The following MYO10 variants were observed in gnomAD, a reference collection of about 807,000 sequenced individuals.
MYO10 encodes the protein myosin X.
In MYO10, 133 loss-of-function variants were observed where a neutral mutation model predicts 257.3. The observed-to-expected ratio is 0.52, with a 90% confidence interval of 0.45 to 0.60. The LOEUF is 0.60. Among genes scored for constraint, MYO10 ranks in the 20% least tolerant of loss-of-function variants. MYO10 has a pLI of 0.00. For synonymous variants in MYO10, 1,104 were observed against 1,028.6 expected (o/e 1.07, Z -1.40); for missense variants, 2,399 against 2,635.7 (o/e 0.91, Z 1.97).
At position 16,704,665 on chromosome 5, in the gene MYO10, C is replaced by T. The variant is rs1203215587; in HGVS notation, c.2190G>A (p.Leu730=). 5 of 1,613,750 alleles carry T rather than the reference C, an allele frequency of 3.1e-6. No homozygotes were observed. The highest frequency in any genetic ancestry group is 1.1e-5 in the South Asian group (1 of 91,064). The change falls in exon 22 of 41, where the codon TTG becomes TTA. Residue 730 remains leucine (L), a synonymous_variant. Transcript: ENST00000513610. ...CCCTCCGCTTCTCCAGTTTCTGTTCCAAGGATTCTCGAAGAAAGACCTGCT... is the reference window on the plus strand; with the variant it reads ...CCCTCCGCTTCTCCAGTTTCTGTTCTAAGGATTCTCGAAGAAAGACCTGCT... ...GKTKVFLRES[L]EQKLEKRREE...
chr5:16,820,509 G>A (rs1158526811), intron 2 of MYO10, among the ~76,000 whole-genome samples: 2 of 152,074 alleles, frequency 1.3e-5, no homozygotes, highest in Admixed American at 1.3e-4. Flanking sequence ...GCTGACTCAA[G>A]GCTCCTGCCA....
intron 21 of MYO10, among the ~76,000 whole-genome samples, chr5:16,706,730 T>C (rs1738364477): frequency 6.6e-6 from 1 of 152,224 alleles, no homozygotes; most frequent in Admixed American, 6.5e-5. Context: ...ATACTTGCTT[T>C]AGTTTTCAGT....
intron 30 of MYO10, among the ~76,000 whole-genome samples, chr5:16,682,609 C>T (rs542098651): frequency 6.6e-6 from 1 of 152,266 alleles, no homozygotes; most frequent in Admixed American, 6.5e-5. Flanking sequence ...CTCTCATAGG[C>T]CCTTGCTAAT....
intron 2 of MYO10, among the ~76,000 whole-genome samples, chr5:16,829,122 T>C (rs180784280): frequency 6.6e-6 from 1 of 152,156 alleles, no homozygotes; most frequent in Admixed American, 6.5e-5. Context: ...ATAGAGATGA[T>C]CCATGTGGGA....
intron 2 of MYO10, among the ~76,000 whole-genome samples, chr5:16,849,542 T>C (rs116270658): frequency 6.6e-6 from 1 of 152,224 alleles, no homozygotes; most frequent in Admixed American, 6.5e-5. Context: ...TTTTCCCATA[T>C]TATGTTAATA....
In MYO10 at chr5:16,704,686, C is replaced by T; in HGVS notation, c.2170-1G>A. The T allele has an allele frequency of 6.2e-7, 1 of 1,613,014 alleles. No individual in the cohort carries two copies. Among genetic ancestry groups the T allele is most frequent in the Non-Finnish European group, 8.5e-7 (1 of 1,179,122 alleles). On this transcript the variant is annotated splice_acceptor_variant, in intron 21 of 40. Coordinates refer to ENST00000513610, the MANE Select transcript of MYO10 (RefSeq NM_012334.3). LOFTEE classifies it high-confidence loss of function. ...GTTCCAAGGATTCTCGAAGAAAGACCTGCTCAGGACGGAGTCACATGTCAG... is the reference window on the plus strand; with the variant it reads ...GTTCCAAGGATTCTCGAAGAAAGACTTGCTCAGGACGGAGTCACATGTCAG...
chr5:16,666,365 C>G lies in MYO10; in HGVS notation c.*327G>C, dbSNP rs980133015. The G allele has an allele frequency of 8.1e-6, 2 of 247,830 alleles. No individual in the cohort carries two copies. 15.4% of individuals were successfully genotyped at this position (247,830 alleles called of 1,614,324 possible). A position where few individuals can be genotyped will look rare whatever the true frequency, so the allele number is the denominator to read the frequency against. On this transcript the variant is annotated 3_prime_UTR_variant, in exon 41 of 41. Transcript: ENST00000513610. ...GCAGTTCCCTTCAGTAGCACAGTTA[C>G]GGTCGATTAGTGTTGGTTCCACAAG...
intron 18 of MYO10, among the ~76,000 whole-genome samples, chr5:16,755,720 C>T (rs1294161815): frequency 3.1e-5 from 4 of 130,808 alleles, no homozygotes; most frequent in Non-Finnish European, 6.6e-5. Flanking sequence ...TCTTTTCCAA[C>T]TTTTTTTTTT....
chr5:16,935,288 C>G (rs1436471963), intron 1 of MYO10, among the ~76,000 whole-genome samples: 1 of 152,224 alleles, frequency 6.6e-6, no homozygotes, highest in Non-Finnish European at 1.5e-5. Context: ...ACCGATTAAA[C>G]CCTTGCCTCT....
At chr5:16,773,709 C>CTTATTTCTAACTGT (rs1211163376) in intron 9 of MYO10, among the ~76,000 whole-genome samples, 123 of 149,156 alleles carry the variant, frequency 8.2e-4, no homozygotes, top group African/African-American at 2.8e-3. Flanking sequence ...TTTCTAACTG[C>CTTATTTCTAACTGT]CAAATAAAAA....
intron 1 of MYO10, among the ~76,000 whole-genome samples, chr5:16,908,803 A>G (rs116041130): frequency 7.3e-4 from 111 of 152,364 alleles, no homozygotes; most frequent in African/African-American, 2.5e-3. Flanking sequence ...ATCGGAATGT[A>G]CTGATGCATG....
At chr5:16,719,371 G>A in intron 19 of MYO10, among the ~76,000 whole-genome samples, 1 of 152,154 alleles carries the variant, frequency 6.6e-6, no homozygotes, top group Admixed American at 6.5e-5. Context: ...AGGTGTCTGA[G>A]CATGAGATGA....
At chr5:16,734,162 A>T (rs1488721148) in intron 19 of MYO10, among the ~76,000 whole-genome samples, 2 of 152,140 alleles carry the variant, frequency 1.3e-5, no homozygotes, top group East Asian at 3.9e-4. Flanking sequence ...AAATCCAAGA[A>T]GCAGCAGACA....
intron 37 of MYO10, among the ~76,000 whole-genome samples, chr5:16,672,075 A>G (rs1040634746): frequency 1.3e-5 from 2 of 152,160 alleles, no homozygotes; most frequent in African/African-American, 4.8e-5. Flanking sequence ...TGGGCGGATC[A>G]CCTGAGGTCA....
chr5:16,749,777 T>C (rs760118412), intron 19 of MYO10, among the ~76,000 whole-genome samples: 1 of 152,220 alleles, frequency 6.6e-6, no homozygotes, highest in East Asian at 1.9e-4. Flanking sequence ...CCAGGCTGAA[T>C]CTGCAGGCAA....
chr5:16,815,158 A>G (rs946308239), intron 3 of MYO10: 2 of 232,950 alleles, frequency 8.6e-6, no homozygotes, highest in Non-Finnish European at 1.5e-5. Flanking sequence ...GCAAGACACT[A>G]TTACAAAAAA....
Position 16,752,258 on chromosome 5 carries a change from C to T in MYO10, c.1929+2570G>A, listed in dbSNP as rs140963952. Among the ~76,000 whole-genome samples the T allele has an allele frequency of 2.1e-4, 32 of 152,270 alleles. No individual in the cohort carries two copies. The East Asian group carries it at 6.2e-3, about 29-fold the overall frequency. On this transcript the variant is annotated intron_variant, in intron 19 of 40. Transcript: ENST00000513610. The stretch of plus-strand genomic sequence containing the variant: ...ATGGCTCACCAGAAACTGTGAGATG[C>T]ATCCCAGCAACCGAGACTTTATTTT...
At position 16,673,864 on chromosome 5, in the gene MYO10, C is replaced by T. The variant is rs773910122; in HGVS notation, c.4990G>A (p.Glu1664Lys). ...GTGAAGAGAGCGTATTTTTCCATCT[C>T]GCTTCCTGGAAACTGTTCCCGTATC... is the stretch of plus-strand genomic sequence containing the variant. ...KRIREQFPGS[E>K]MEKYALFTYE... The change falls in exon 36 of 41, where the codon GAG becomes AAG. Residue 1664 changes from glutamate to lysine, a missense_variant. Physicochemically the swap from Glu to Lys is moderately conservative, Grantham distance 56. Coordinates refer to ENST00000513610, the MANE Select transcript of MYO10 (RefSeq NM_012334.3). 1.1e-5 allele frequency: 17 copies of T among 1,613,790 alleles called. No homozygotes were observed. The highest frequency in any genetic ancestry group is 5.0e-5 in the Admixed American group (3 of 59,988).
chr5:16,749,650 T>G (rs1740325808), intron 19 of MYO10, among the ~76,000 whole-genome samples: 1 of 152,126 alleles, frequency 6.6e-6, no homozygotes, highest in African/African-American at 2.4e-5. Context: ...GTCAAAGATT[T>G]AAAGATGATG....
Sources: gnomAD v4.1 joint callset for allele counts (sites outside exome capture counted in the v4.1 genomes callset) on GRCh38, gnomAD v4.1.1 for gene constraint, MANE v1.5 for transcripts, NCBI Gene and HGNC (gene_info 2026-07-23, HGNC 2026-07-21) for gene names.